The following CCDC112 variants were observed in gnomAD, a reference collection of about 807,000 sequenced individuals.
CCDC112 encodes coiled-coil domain containing 112, also known as coiled-coil domain-containing protein 112.
A neutral mutation model predicts 66.3 loss-of-function variants in CCDC112; 40 were observed. The ratio of observed to expected loss-of-function variants is 0.60; its 90% CI spans 0.47 to 0.79. The LOEUF is 0.79. Ranked by LOEUF, CCDC112 falls within the 30% of genes least tolerant of loss-of-function variation. The pLI, the probability that CCDC112 is intolerant of heterozygous loss-of-function variation, is 0.00. For synonymous variants in CCDC112, 214 were observed against 197.2 expected (o/e 1.09, Z -0.71); for missense variants, 659 against 603.8 (o/e 1.09, Z -0.96).
In CCDC112 at chr5:115,296,604, C is replaced by G; in HGVS notation, c.-61G>C. On this transcript the variant is annotated 5_prime_UTR_variant, in exon 1 of 10. Coordinates refer to ENST00000379611, the MANE Select transcript of CCDC112 (RefSeq NM_001040440.3). Reference sequence around the variant, plus strand: ...CCGGTGCCTGGGGATTCGTGGCAGGCGCACCCTGGCCTCTGCAGACAGCTC... The same window carrying G: ...CCGGTGCCTGGGGATTCGTGGCAGGGGCACCCTGGCCTCTGCAGACAGCTC... 1.4e-6 allele frequency: 2 copies of G among 1,402,190 alleles called. No homozygotes were observed. Among genetic ancestry groups the G allele is most frequent in the Non-Finnish European group, 1.8e-6 (2 of 1,082,334 alleles). 86.9% of individuals were successfully genotyped at this position (1,402,190 alleles called of 1,614,324 possible).
At chr5:115,281,486 A>G (rs905881653) in intron 2 of CCDC112, among the ~76,000 whole-genome samples, 4 of 152,240 alleles carry the variant, frequency 2.6e-5, no homozygotes, top group Non-Finnish European at 4.4e-5. Context: ...GTAGATAAAG[A>G]TATCAAATAG....
chr5:115,271,365 G>A lies in CCDC112; in HGVS notation c.1180C>T (p.Gln394Ter). ...EKKHQKERQRQFKLKLLLESY... is the reference protein window; with the variant it reads ...EKKHQKERQR The stretch of plus-strand genomic sequence containing the variant: ...TCTAGTAGTAATTTTAACTTAAACT[G>A]GCGCTGGCGTTCTTTCTGATGTTTT... Residue 394 changes from glutamine to a stop codon, truncating the protein, a stop_gained, in exon 7 of 10, where the codon CAG becomes TAG. Coordinates refer to ENST00000379611, the MANE Select transcript of CCDC112 (RefSeq NM_001040440.3). LOFTEE classifies it high-confidence loss of function. 6.2e-7 allele frequency: 1 copy of A among 1,611,374 alleles called. No individual in the cohort carries two copies. Among genetic ancestry groups the A allele is most frequent in the Non-Finnish European group, 8.5e-7 (1 of 1,179,566 alleles).
intron 3 of CCDC112, 69 bp from the exon 4 acceptor site, chr5:115,277,123 T>C (rs1749240247): frequency 3.5e-6 from 3 of 856,502 alleles, no homozygotes; most frequent in South Asian, 2.9e-5. Context: ...GGAATCTACA[T>C]GTAAGACTGA....
At chr5:115,281,343 A>C (rs1749448660) in intron 2 of CCDC112, among the ~76,000 whole-genome samples, 1 of 152,178 alleles carries the variant, frequency 6.6e-6, no homozygotes, top group African/African-American at 2.4e-5. Context: ...GAAAAATTTA[A>C]TATTCATAAG....
rs932097010 is a variant in CCDC112, at chr5:115,284,838, T to C, written c.188A>G (p.Asn63Ser). The part of the protein sequence containing the change: ...FHLQNWKQKV[N>S]QTKKAEFVRT... ...TACAAATTCTGCTTTCTTAGTCTGA[T>C]TAACTTTCTGCTTCCAGTTCTGAAG... Residue 63 changes from asparagine (N) to serine (S), a missense_variant, in exon 2 of 10, where the codon AAT becomes AGT. Asn to Ser is a conservative substitution (Grantham distance 46). Coordinates refer to ENST00000379611, the MANE Select transcript of CCDC112 (RefSeq NM_001040440.3). 6.2e-7 allele frequency: 1 copy of C among 1,612,402 alleles called. No homozygotes were observed. The highest frequency in any genetic ancestry group is 8.5e-7 in the Non-Finnish European group (1 of 1,178,592).
chr5:115,277,042 T>A lies in CCDC112; in HGVS notation c.374A>T (p.Gln125Leu). 1 of 1,605,744 alleles carries A rather than the reference T, an allele frequency of 6.2e-7. No individual in the cohort carries two copies. Among genetic ancestry groups the A allele is most frequent in the Non-Finnish European group, 8.5e-7 (1 of 1,173,630 alleles). ...ATTATGTATTTTGGCCAATTGTTGC[T>A]GGATTTTTGCTCCTATAAGAAAGAA... ...HSRKTERAKI[Q>L]QQLAKIHNNV... Residue 125 changes from glutamine to leucine, a missense_variant, in exon 4 of 10, where the codon CAG (glutamine) becomes CTG (leucine). Physicochemically the swap from Gln to Leu is moderately radical, Grantham distance 113 (BLOSUM62 -2). Coordinates refer to ENST00000379611, the MANE Select transcript of CCDC112 (RefSeq NM_001040440.3).
chr5:115,268,035 G>A, intron 9 of CCDC112, 117 bp from the exon 10 acceptor site: 1 of 779,842 alleles, frequency 1.3e-6, no homozygotes, highest in South Asian at 1.6e-5. Flanking sequence ...CATGTTGTTT[G>A]GCTGGTTCAT....
intron 2 of CCDC112, chr5:115,280,388 C>T (rs1749400567): frequency 6.6e-6 from 1 of 152,148 alleles, no homozygotes; most frequent in East Asian, 1.9e-4. Flanking sequence ...TATTTAATGA[C>T]TATTGTCTAC....
chr5:115,296,248 G>A, intron 1 of CCDC112, 179 bp downstream of exon 1: 1 of 1,290,770 alleles, frequency 7.7e-7, no homozygotes, highest in South Asian at 2.3e-5. Flanking sequence ...CATGGAGGCG[G>A]CTCTGCAAAA....
In CCDC112 at chr5:115,294,778, C is replaced by T. The variant is rs996951374; in HGVS notation, c.117+1649G>A. ...TAGAATTTGTGTGTATAGGTATGTG[C>T]GTGTGGTATGCTGGGGGAAGTACAA... On this transcript the variant is annotated intron_variant, in intron 1 of 9. Transcript: ENST00000379611. Among the ~76,000 whole-genome samples, 8 of 152,096 alleles carry T rather than the reference C, an allele frequency of 5.3e-5. No individual in the cohort carries two copies. In the East Asian group the frequency reaches 5.8e-4, roughly 11 times the overall value.
At chr5:115,279,828 A>G in intron 2 of CCDC112, 60 bp from the exon 3 acceptor site, 2 of 891,350 alleles carry the variant, frequency 2.2e-6, no homozygotes, top group Non-Finnish European at 3.4e-6. Flanking sequence ...ATAGTTTAAA[A>G]TATGAAGACA....
chr5:115,296,383 C>A, intron 1 of CCDC112, 44 bp downstream of exon 1: 1 of 1,544,064 alleles, frequency 6.5e-7, no homozygotes, highest in Non-Finnish European at 8.7e-7. Flanking sequence ...GGCCTGCAGC[C>A]CCTCGCCTGC....
intron 1 of CCDC112, among the ~76,000 whole-genome samples, chr5:115,290,269 C>G (rs1220140498): frequency 6.6e-6 from 1 of 152,146 alleles, no homozygotes; most frequent in Non-Finnish European, 1.5e-5. Context: ...TCTTGGCACC[C>G]TTTTGAAAAT....
At chr5:115,280,143 T>G (rs1489426861) in intron 2 of CCDC112, among the ~76,000 whole-genome samples, 1 of 152,198 alleles carries the variant, frequency 6.6e-6, no homozygotes, top group South Asian at 2.1e-4. Context: ...ACTATTAATT[T>G]TGTAACCTTA....
At chr5:115,290,451 T>A (rs1026990278) in intron 1 of CCDC112, among the ~76,000 whole-genome samples, 2 of 152,242 alleles carry the variant, frequency 1.3e-5, no homozygotes, top group African/African-American at 4.8e-5. Flanking sequence ...TTGTTTTGGC[T>A]ATTTTGGGTG....
intron 8 of CCDC112, 159 bp downstream of exon 8, chr5:115,269,544 T>C: frequency 1.8e-6 from 1 of 547,282 alleles, no homozygotes; most frequent in East Asian, 3.3e-5. Flanking sequence ...TTGCTTAAAT[T>C]GTACCAAGTT....
intron 5 of CCDC112, 137 bp downstream of exon 5, chr5:115,275,857 C>T (rs1749186499): frequency 1.4e-6 from 1 of 720,454 alleles, no homozygotes; most frequent in Non-Finnish European, 2.2e-6. Flanking sequence ...AAACTGAAAA[C>T]AAAAAAGATA....
intron 8 of CCDC112, chr5:115,269,469 G>T: frequency 2.2e-6 from 1 of 464,800 alleles, no homozygotes; most frequent in Non-Finnish European, 3.8e-6. Context: ...CAAGTAGGGG[G>T]AACAATAATT....
chr5:115,287,878 A>T (rs1749747049), intron 1 of CCDC112, among the ~76,000 whole-genome samples: 1 of 151,774 alleles, frequency 6.6e-6, no homozygotes, highest in South Asian at 2.1e-4. Flanking sequence ...TTGCTTCAAA[A>T]TATTATTTAA....
Sources: allele counts gnomAD v4.1 joint callset (sites outside exome capture counted in the v4.1 genomes callset), GRCh38; gene constraint gnomAD v4.1.1; transcripts MANE v1.5; gene names NCBI Gene and HGNC (gene_info 2026-07-23, HGNC 2026-07-21).